Variants in TTC7A observed in about 807,000 individuals in gnomAD.
TTC7A encodes tetratricopeptide repeat domain 7A.
A neutral mutation model predicts 103.7 loss-of-function variants in TTC7A; 110 were observed. The ratio of observed to expected loss-of-function variants is 1.06; its 90% confidence interval spans 0.91 to 1.24. TTC7A has a LOEUF of 1.24. Among genes scored for constraint, TTC7A ranks in the 50% most tolerant of loss-of-function variants. The pLI is 0.00. For missense variants in TTC7A, 1,340 were observed against 1,116.3 expected (o/e 1.20, Z -2.86); for synonymous variants, 521 against 467.9 (o/e 1.11, Z -1.47).
At position 47,075,644 on chromosome 2, in the gene TTC7A, G is replaced by A. The variant is rs1014646586; in HGVS notation, c.*1721G>A. On this transcript the variant is annotated 3_prime_UTR_variant, in exon 20 of 20. Coordinates refer to ENST00000319190, the MANE Select transcript of TTC7A (RefSeq NM_020458.4). The stretch of plus-strand genomic sequence containing the variant: ...GCCCTGGACAGGAGGGGCTGTTGCA[G>A]GATGAGGGAGGCCAGAGAAGGCATC... 6.6e-6 allele frequency: 1 copy of A among 152,332 alleles called. No homozygotes were observed. Among genetic ancestry groups the A allele is most frequent in the African/African-American group, 2.4e-5 (1 of 41,462 alleles). 9.4% of individuals were successfully genotyped at this position (152,332 alleles called of 1,614,324 possible).
chr2:47,046,258 C>T (rs1682303249), intron 15 of TTC7A, 57 bp from the exon 16 acceptor site: 11 of 1,401,322 alleles, frequency 7.8e-6, no homozygotes, highest in Non-Finnish European at 1.1e-5. Flanking sequence ...GGCAGGATCC[C>T]CAGGTGAAAG....
At chr2:46,964,568 C>G (rs1425536746) in intron 3 of TTC7A, among the ~76,000 whole-genome samples, 1 of 152,210 alleles carries the variant, frequency 6.6e-6, no homozygotes, top group Non-Finnish European at 1.5e-5. Flanking sequence ...GCAATCTTCT[C>G]TAGGGTCTGG....
intron 3 of TTC7A, among the ~76,000 whole-genome samples, chr2:46,960,932 C>A (rs1672314513): frequency 6.6e-6 from 1 of 152,254 alleles, no homozygotes; most frequent in Admixed American, 6.5e-5. Context: ...CCTGGTGAAG[C>A]CCTGCAGCCA....
rs776513866 is a variant in TTC7A at position 46,994,350 on chromosome 2, C to CT, written c.844-6dup. 6.2e-7 allele frequency: 1 copy of CT among 1,610,810 alleles called. No individual in the cohort carries two copies. The highest frequency in any genetic ancestry group is 1.1e-5 in the South Asian group (1 of 90,698). On this transcript the variant is annotated splice_polypyrimidine_tract_variant and splice_region_variant and intron_variant, in intron 6 of 19. Coordinates refer to ENST00000319190, the MANE Select transcript of TTC7A (RefSeq NM_020458.4). ...TGCCTGGGTCCGAGTGCTTCCCTCTCTGCCAGATGGCGGCCAAGCACCTGG... is the reference window on the plus strand; with the variant it reads ...TGCCTGGGTCCGAGTGCTTCCCTCTCTTGCCAGATGGCGGCCAAGCACCTGG...
intron 8 of TTC7A, among the ~76,000 whole-genome samples, chr2:47,000,252 AG>A (rs1251266753): frequency 7.2e-6 from 1 of 138,350 alleles, no homozygotes; most frequent in Non-Finnish European, 1.5e-5. Context: ...GGTGCCATTC[AG>A]TTAAAAAAAA....
intron 5 of TTC7A, among the ~76,000 whole-genome samples, chr2:46,986,332 A>T (rs1389909034): frequency 6.6e-6 from 1 of 152,176 alleles, no homozygotes; most frequent in Non-Finnish European, 1.5e-5. Context: ...TAGGTGACGA[A>T]GCCCAGAGAA....
chr2:47,035,097 CTTG>C (rs1680964394), intron 15 of TTC7A, among the ~76,000 whole-genome samples: 2 of 152,100 alleles, frequency 1.3e-5, no homozygotes, highest in Non-Finnish European at 2.9e-5. Flanking sequence ...TCAGGTGGCG[CTTG>C]TTGTATATTT....
At chr2:46,987,689 A>G (rs183726680) in intron 5 of TTC7A, among the ~76,000 whole-genome samples, 2 of 152,244 alleles carry the variant, frequency 1.3e-5, no homozygotes, top group African/African-American at 4.8e-5. Context: ...TTAGTAAAGC[A>G]ACATGTGCTC....
upstream of TTC7A, among the ~76,000 whole-genome samples, chr2:46,938,782 G>C (rs1670103565): frequency 6.6e-6 from 1 of 152,150 alleles, no homozygotes; most frequent in Admixed American, 6.5e-5. Flanking sequence ...GGGAGGCCAA[G>C]GCGGGCAGAT....
intron 18 of TTC7A, among the ~76,000 whole-genome samples, chr2:47,056,498 GGCCCT>G (rs1683329440): frequency 6.6e-6 from 1 of 152,242 alleles, no homozygotes; most frequent in African/African-American, 2.4e-5. Flanking sequence ...CTGCGGGCAA[GGCCCT>G]CCCTGCAAAG....
At chr2:46,928,178 C>T (rs1669498146) in intron 2 of TTC7A, among the ~76,000 whole-genome samples, 1 of 151,920 alleles carries the variant, frequency 6.6e-6, no homozygotes, top group Non-Finnish European at 1.5e-5. Flanking sequence ...AGGCGTGAGT[C>T]ATTGCACCCA....
chr2:46,998,061 T>C (rs1316984831), intron 8 of TTC7A, among the ~76,000 whole-genome samples: 3 of 151,630 alleles, frequency 2.0e-5, no homozygotes, highest in African/African-American at 7.3e-5. Context: ...GGTTATGGGG[T>C]GGGTGAGTCT....
At chr2:47,058,120 C>G (rs946062844) in intron 18 of TTC7A, among the ~76,000 whole-genome samples, 1 of 152,206 alleles carries the variant, frequency 6.6e-6, no homozygotes, top group East Asian at 1.9e-4. Context: ...GACCCCTCCC[C>G]CTACCAGCCA....
At chr2:47,048,995 A>T (rs1682595997) in intron 16 of TTC7A, among the ~76,000 whole-genome samples, 1 of 152,158 alleles carries the variant, frequency 6.6e-6, no homozygotes, top group Non-Finnish European at 1.5e-5. Context: ...TTGTGGTTTT[A>T]TAGATGGTTT....
chr2:47,031,794 T>C (rs1472274402), intron 15 of TTC7A, among the ~76,000 whole-genome samples: 3 of 152,210 alleles, frequency 2.0e-5, no homozygotes, highest in Non-Finnish European at 2.9e-5. Flanking sequence ...CTAAAGCAGC[T>C]CCCCTGGCCT....
chr2:46,978,741 C>G lies in TTC7A; in HGVS notation c.649-51C>G, dbSNP rs758365221. 8 of 1,496,610 alleles carry G rather than the reference C, an allele frequency of 5.3e-6. No individual in the cohort carries two copies. The Admixed American group carries it at 1.2e-4, about 22-fold the overall frequency. 92.7% of individuals were successfully genotyped at this position (1,496,610 alleles called of 1,614,324 possible). The stretch of plus-strand genomic sequence containing the variant: ...GGCCACCTCCTCTTGCTGAGTGACC[C>G]TCTGCCTCAGAACTTTGAGACAATG... On this transcript the variant is annotated intron_variant, in intron 4 of 19. Coordinates refer to ENST00000319190, the MANE Select transcript of TTC7A (RefSeq NM_020458.4).
intron 3 of TTC7A, 125 bp from the exon 4 acceptor site, chr2:46,974,848 C>A: frequency 7.3e-7 from 1 of 1,366,168 alleles, no homozygotes. Flanking sequence ...CCGCAGACCT[C>A]CGCCTCCTCC....
chr2:46,955,478 A>C (rs982316744), intron 2 of TTC7A, among the ~76,000 whole-genome samples: 1 of 152,200 alleles, frequency 6.6e-6, no homozygotes, highest in Non-Finnish European at 1.5e-5. Context: ...GGAGGAGTTC[A>C]GCTGAAGGGA....
At chr2:47,073,643 G>T in intron 19 of TTC7A, 59 bp from the exon 20 acceptor site, 1 of 1,504,544 alleles carries the variant, frequency 6.6e-7, no homozygotes, top group Non-Finnish European at 9.2e-7. Flanking sequence ...TGGCCCAGTT[G>T]CCAAGATGCC....
Sources: gnomAD v4.1 joint callset for allele counts (sites outside exome capture counted in the v4.1 genomes callset) on GRCh38, gnomAD v4.1.1 for gene constraint, MANE v1.5 for transcripts, NCBI Gene and HGNC (gene_info 2026-07-23, HGNC 2026-07-21) for gene names.